Variants in UBXN2A observed in about 807,000 individuals in gnomAD.
The protein encoded by UBXN2A is UBX domain protein 2A.
UBXN2A carries 28 observed loss-of-function variants against 28.4 expected under a neutral mutation model. That is an observed-to-expected ratio of 0.99 (90% confidence interval 0.73 to 1.35). The LOEUF is 1.35. Among genes scored for constraint, UBXN2A ranks in the 40% most tolerant of loss-of-function variants. The pLI is 0.00. For synonymous variants in UBXN2A, 97 were observed against 103.6 expected (o/e 0.94, Z 0.39); for missense variants, 253 against 297.9 (o/e 0.85, Z 1.11).
intron 1 of UBXN2A, among the ~76,000 whole-genome samples, chr2:23,952,512 T>A (rs983137413): frequency 7.2e-5 from 11 of 152,164 alleles, no homozygotes; most frequent in African/African-American, 2.7e-4. Flanking sequence ...TGGCGCGATG[T>A]CAGCTCACCA....
intron 4 of UBXN2A, 106 bp from the exon 5 acceptor site, chr2:23,982,790 A>G (rs1707965505): frequency 6.9e-6 from 8 of 1,160,550 alleles, no homozygotes; most frequent in Non-Finnish European, 9.3e-6. Context: ...AGAATATTAT[A>G]TATTTCTGTA....
chr2:23,971,540 G>C, intron 3 of UBXN2A, 126 bp downstream of exon 3: 1 of 1,083,946 alleles, frequency 9.2e-7, no homozygotes, highest in South Asian at 2.5e-5. Context: ...CCAGACTGGA[G>C]TGCAGTGGCT....
At chr2:23,984,922 GATAGA>G in intron 6 of UBXN2A, 91 bp downstream of exon 6, 1 of 1,376,750 alleles carries the variant, frequency 7.3e-7, no homozygotes. Context: ...ATTTTTTAGA[GATAGA>G]ATCTTTCTTT....
intron 4 of UBXN2A, among the ~76,000 whole-genome samples, chr2:23,977,663 AAAC>A (rs368009836): frequency 1.3e-5 from 2 of 152,194 alleles, no homozygotes; most frequent in African/African-American, 2.4e-5. Context: ...AAAACAAAAA[AAAC>A]AACGAGCTGG....
chr2:23,947,895 C>A (rs1265584391), intron 1 of UBXN2A, among the ~76,000 whole-genome samples: 1 of 151,954 alleles, frequency 6.6e-6, no homozygotes, highest in Non-Finnish European at 1.5e-5. Flanking sequence ...GCTCTTGTTG[C>A]CCAGGCTGGA....
intron 3 of UBXN2A, among the ~76,000 whole-genome samples, chr2:23,976,698 A>G (rs1707678960): frequency 6.6e-6 from 1 of 152,116 alleles, no homozygotes; most frequent in Non-Finnish European, 1.5e-5. Context: ...ATTCTGGGAG[A>G]TACAATTCAA....
intron 6 of UBXN2A, among the ~76,000 whole-genome samples, chr2:23,998,341 C>T (rs1708619338): frequency 6.6e-6 from 1 of 152,096 alleles, no homozygotes; most frequent in South Asian, 2.1e-4. Flanking sequence ...TGTGTAATTT[C>T]TAGTCAGGAG....
intron 6 of UBXN2A, among the ~76,000 whole-genome samples, chr2:23,992,383 AG>A (rs895654522): frequency 6.6e-6 from 1 of 152,214 alleles, no homozygotes; most frequent in Non-Finnish European, 1.5e-5. Flanking sequence ...GTATGATTGG[AG>A]GGCAAAAGGG....
At chr2:23,960,931 G>A (rs938159310) in intron 2 of UBXN2A, among the ~76,000 whole-genome samples, 1 of 152,010 alleles carries the variant, frequency 6.6e-6, no homozygotes, top group Non-Finnish European at 1.5e-5. Flanking sequence ...CACCATGCCT[G>A]GCCGTCTGCT....
At chr2:23,986,763 A>T (rs1478298492) in intron 6 of UBXN2A, among the ~76,000 whole-genome samples, 2 of 151,952 alleles carry the variant, frequency 1.3e-5, no homozygotes, top group Non-Finnish European at 2.9e-5. Flanking sequence ...ACGTGCCACC[A>T]TGCCTGGCTA....
intron 1 of UBXN2A, among the ~76,000 whole-genome samples, chr2:23,947,565 A>C (rs1706147261): frequency 6.6e-6 from 1 of 152,174 alleles, no homozygotes; most frequent in Non-Finnish European, 1.5e-5. Flanking sequence ...CAGCTCACTC[A>C]ATTGATATAA....
At chr2:23,928,074 G>A (rs1705163109) in intron 1 of UBXN2A, among the ~76,000 whole-genome samples, 2 of 151,896 alleles carry the variant, frequency 1.3e-5, no homozygotes, top group South Asian at 2.1e-4. Context: ...TGCTCGGGAA[G>A]CTGAGGCATG....
intron 6 of UBXN2A, among the ~76,000 whole-genome samples, chr2:23,996,622 G>T (rs868592020): frequency 6.7e-6 from 1 of 149,382 alleles, no homozygotes; most frequent in African/African-American, 2.5e-5. Flanking sequence ...AACTACAGGC[G>T]CCTGCCACCA....
intron 1 of UBXN2A, among the ~76,000 whole-genome samples, chr2:23,954,931 CTTTTT>C (rs35139100): frequency 8.3e-6 from 1 of 120,846 alleles, no homozygotes. Flanking sequence ...GCTTGCCTAC[CTTTTT>C]TTTTTTTTTT....
At chr2:23,967,823 AT>A (rs1240925324) in intron 2 of UBXN2A, among the ~76,000 whole-genome samples, 2 of 152,206 alleles carry the variant, frequency 1.3e-5, no homozygotes, top group Non-Finnish European at 2.9e-5. Flanking sequence ...GATATGGAGT[AT>A]TTTAAGAGTA....
intron 1 of UBXN2A, among the ~76,000 whole-genome samples, chr2:23,941,225 G>C (rs541802381): frequency 6.6e-6 from 1 of 152,074 alleles, no homozygotes; most frequent in African/African-American, 2.4e-5. Flanking sequence ...GAGTTCCTAT[G>C]TACGTAATTT....
chr2:23,938,555 CT>C (rs561919115), upstream of UBXN2A, among the ~76,000 whole-genome samples: 14,615 of 127,312 alleles, frequency 0.11, 766 homozygotes, highest in Middle Eastern at 0.19. Context: ...CCCCCCCTCC[CT>C]TTTTTTTTTT....
chr2:23,934,946 A>G (rs1705480938), intron 1 of UBXN2A, among the ~76,000 whole-genome samples: 1 of 152,052 alleles, frequency 6.6e-6, no homozygotes, highest in Non-Finnish European at 1.5e-5. Context: ...GTGGCGGTGC[A>G]TACCTGTAAT....
upstream of UBXN2A, among the ~76,000 whole-genome samples, chr2:23,938,646 A>C (rs1054276360): frequency 6.6e-6 from 1 of 151,652 alleles, no homozygotes; most frequent in Non-Finnish European, 1.5e-5. Context: ...AGAGGAGCAA[A>C]GTTGGAGGAC....
Sources: allele counts gnomAD v4.1 joint callset (sites outside exome capture counted in the v4.1 genomes callset), GRCh38; gene constraint gnomAD v4.1.1; transcripts MANE v1.5; gene names NCBI Gene and HGNC (gene_info 2026-07-23, HGNC 2026-07-21).